AFG2A: variants seen among roughly 807,000 people sequenced by gnomAD.
AFG2A encodes AAA ATPase AFG2A, also known as ATPase family gene 2 protein homolog A.
the AFG2A span, among the ~76,000 whole-genome samples, chr4:123,147,960 A>G: frequency 6.6e-6 from 1 of 152,208 alleles, no homozygotes; most frequent in Middle Eastern, 3.2e-3. Context: ...AAGAATTATT[A>G]CAAGATGATC....
the AFG2A span, among the ~76,000 whole-genome samples, chr4:123,084,469 AT>A: frequency 1.3e-5 from 2 of 151,680 alleles, no homozygotes; most frequent in Non-Finnish European, 2.9e-5. Flanking sequence ...GCATTGACAA[AT>A]TTTGATAAGT....
chr4:123,160,067 A>G, the AFG2A span, among the ~76,000 whole-genome samples: 1 of 152,188 alleles, frequency 6.6e-6, no homozygotes, highest in East Asian at 1.9e-4. Flanking sequence ...CTAGAGTAAC[A>G]ATATTGGTGT....
the AFG2A span, chr4:122,927,659 C>G: frequency 6.2e-7 from 1 of 1,611,112 alleles, no homozygotes; most frequent in South Asian, 1.1e-5. Context: ...CTAAAACATT[C>G]CAGAATTCCC....
the AFG2A span, among the ~76,000 whole-genome samples, chr4:123,291,974 T>A: frequency 1.3e-5 from 2 of 152,172 alleles, no homozygotes; most frequent in Non-Finnish European, 2.9e-5. Context: ...TCTGAATGAT[T>A]TGCTTTTCTT....
the AFG2A span, among the ~76,000 whole-genome samples, chr4:123,201,696 A>C: frequency 6.6e-6 from 1 of 152,208 alleles, no homozygotes; most frequent in African/African-American, 2.4e-5. Context: ...AGGCGGGCAG[A>C]TTGCTTGAAT....
chr4:122,937,996 T>A, the AFG2A span: 7 of 929,164 alleles, frequency 7.5e-6, no homozygotes, highest in South Asian at 1.4e-4. Flanking sequence ...TAGCTTAACA[T>A]TATAATATCT....
chr4:123,199,367 A>T, the AFG2A span, among the ~76,000 whole-genome samples: 1 of 152,006 alleles, frequency 6.6e-6, no homozygotes, highest in Non-Finnish European at 1.5e-5. Flanking sequence ...GATTTTCAGA[A>T]TCATTGATAA....
the AFG2A span, among the ~76,000 whole-genome samples, chr4:122,923,672 C>T: frequency 6.6e-6 from 1 of 152,158 alleles, no homozygotes; most frequent in Non-Finnish European, 1.5e-5. Flanking sequence ...ATAACCAATT[C>T]AGTAAAAATG....
chr4:123,016,945 C>A, the AFG2A span, among the ~76,000 whole-genome samples: 1 of 152,172 alleles, frequency 6.6e-6, no homozygotes. Flanking sequence ...CACAGCGAAA[C>A]CCCGTCTCCA....
chr4:123,214,077 T>C, the AFG2A span, among the ~76,000 whole-genome samples: 19 of 152,292 alleles, frequency 1.2e-4, no homozygotes, highest in Admixed American at 1.2e-3. Context: ...TTAGATTTTA[T>C]ATAATTTGGT....
At chr4:123,285,312 A>G in the AFG2A span, among the ~76,000 whole-genome samples, 1 of 152,094 alleles carries the variant, frequency 6.6e-6, no homozygotes, top group Admixed American at 6.5e-5. Flanking sequence ...TTATAGACCC[A>G]TCTCCCTAGT....
the AFG2A span, among the ~76,000 whole-genome samples, chr4:123,128,532 A>T: frequency 2.0e-5 from 3 of 151,982 alleles, no homozygotes; most frequent in Non-Finnish European, 4.4e-5. Flanking sequence ...TAGAACACAA[A>T]TTTTTTTTAA....
the AFG2A span, among the ~76,000 whole-genome samples, chr4:123,136,225 G>A: frequency 7.2e-5 from 11 of 152,242 alleles, no homozygotes; most frequent in African/African-American, 2.6e-4. Flanking sequence ...ACTGTTCTGT[G>A]TGCTCTTTTA....
At chr4:123,062,704 T>C in the AFG2A span, among the ~76,000 whole-genome samples, 3 of 152,194 alleles carry the variant, frequency 2.0e-5, no homozygotes, top group African/African-American at 7.2e-5. Context: ...GGTAACAAAA[T>C]GCTTAGATTT....
At chr4:123,143,648 T>A in the AFG2A span, among the ~76,000 whole-genome samples, 1 of 151,726 alleles carries the variant, frequency 6.6e-6, no homozygotes, top group Non-Finnish European at 1.5e-5. Flanking sequence ...ATTATGTTAA[T>A]AAATTGGCAT....
At chr4:122,942,498 A>G in the AFG2A span, among the ~76,000 whole-genome samples, 1 of 151,488 alleles carries the variant, frequency 6.6e-6, no homozygotes, top group Non-Finnish European at 1.5e-5. Flanking sequence ...ATCATTTTTT[A>G]TTGCGTCTAT....
the AFG2A span, among the ~76,000 whole-genome samples, chr4:123,085,686 G>A: frequency 1.3e-3 from 196 of 152,002 alleles, no homozygotes; most frequent in African/African-American, 4.5e-3. Context: ...CATTTAGGCC[G>A]TTGATGTGTA....
chr4:123,059,211 G>C, the AFG2A span, among the ~76,000 whole-genome samples: 8 of 148,914 alleles, frequency 5.4e-5, no homozygotes, highest in South Asian at 1.7e-3. Context: ...GTGCAGGTTA[G>C]TTACATATGT....
At chr4:122,946,584 T>C in the AFG2A span, among the ~76,000 whole-genome samples, 5 of 152,208 alleles carry the variant, frequency 3.3e-5, no homozygotes, top group Non-Finnish European at 7.3e-5. Context: ...GAATAGAATA[T>C]TGGATAATTT....
Sources: gnomAD v4.1 joint callset for allele counts (sites outside exome capture counted in the v4.1 genomes callset) on GRCh38, gnomAD v4.1.1 for gene constraint, MANE v1.5 for transcripts, NCBI Gene and HGNC (gene_info 2026-07-23, HGNC 2026-07-21) for gene names.